Variants in PGPEP1L observed in about 807,000 individuals in gnomAD.
PGPEP1L encodes the protein pyroglutamyl-peptidase I like.
In PGPEP1L, 7 loss-of-function variants were observed where a neutral mutation model predicts 6.0. The observed-to-expected ratio is 1.17, with a 90% CI of 0.66 to 2.19. The LOEUF is 2.19. Ranked by LOEUF, PGPEP1L falls within the 30% of genes most tolerant of loss-of-function variation. The pLI is 0.00. For missense variants in PGPEP1L, 209 were observed against 192.5 expected (o/e 1.09, Z -0.51); for synonymous variants, 103 against 83.9 (o/e 1.23, Z -1.24).
chr15:98,999,788 G>A (rs1555472775), intron 2 of PGPEP1L, among the ~76,000 whole-genome samples: 1 of 152,232 alleles, frequency 6.6e-6, no homozygotes, highest in African/African-American at 2.4e-5. Context: ...CTGATGAATG[G>A]CAAACAAAAT....
rs782264530 is a variant in PGPEP1L at position 99,001,575 on chromosome 15, CAATG to C, written c.-142+3850_-142+3853del. Among the ~76,000 whole-genome samples the C allele has an allele frequency of 5.3e-5, 8 of 152,128 alleles. No homozygotes were observed. The East Asian group carries it at 7.7e-4, about 15-fold the overall frequency. On this transcript the variant is annotated intron_variant, in intron 2 of 4. Coordinates refer to ENST00000535714, the MANE Select transcript of PGPEP1L (RefSeq NM_001167902.2). ...ATGGTATAGCATGTGGATTATATCT[CAATG>C]AAGTAGTTTAAAAACTTTTTATAAT...
Position 99,007,448 on chromosome 15 carries a change from C to T in PGPEP1L, c.-459G>A, listed in dbSNP as rs782762083. On this transcript the variant is annotated 5_prime_UTR_variant, in exon 1 of 5. Coordinates refer to ENST00000535714, the MANE Select transcript of PGPEP1L (RefSeq NM_001167902.2). The stretch of plus-strand genomic sequence containing the variant: ...CCGCGGACCCTGGCGGTGAGTGTTA[C>T]AGTTTTTAAAGGCAGCGTGTCCCAA... 6.6e-6 allele frequency: 1 copy of T among 152,318 alleles called. No individual in the cohort carries two copies. Among genetic ancestry groups the T allele is most frequent in the Non-Finnish European group, 1.5e-5 (1 of 68,128 alleles). The allele number at this position is 152,318 out of a possible 1,614,324, so 9.4% of individuals were successfully genotyped here.
chr15:99,001,281 TAAATG>T (rs2017965280), intron 2 of PGPEP1L: 3 of 256,088 alleles, frequency 1.2e-5, no homozygotes, highest in South Asian at 1.0e-4. Context: ...GAAAACATGC[TAAATG>T]AAAGAAGCCA....
chr15:99,000,065 G>T (rs1479003740), intron 2 of PGPEP1L, among the ~76,000 whole-genome samples: 1 of 152,220 alleles, frequency 6.6e-6, no homozygotes, highest in South Asian at 2.1e-4. Context: ...GCGCGGGCGG[G>T]AACCGGGGCT....
chr15:98,972,872 C>CAAAAAAA (rs58126997), intron 2 of PGPEP1L, among the ~76,000 whole-genome samples: 4 of 45,688 alleles, frequency 8.8e-5, no homozygotes, highest in African/African-American at 1.7e-4. Context: ...GACTCCGTCT[C>CAAAAAAA]AAAAAAAAAA....
chr15:98,968,845 A>G, intron 4 of PGPEP1L, 148 bp from the exon 5 acceptor site: 1 of 786,914 alleles, frequency 1.3e-6, no homozygotes, highest in Non-Finnish European at 2.1e-6. Context: ...CCTCAGAAAG[A>G]ACATGGTGCC....
intron 2 of PGPEP1L, among the ~76,000 whole-genome samples, chr15:98,975,989 A>G (rs2017564035): frequency 6.6e-6 from 1 of 152,210 alleles, no homozygotes; most frequent in Non-Finnish European, 1.5e-5. Context: ...CAAATGTGTG[A>G]TTTCACTTAT....
intron 2 of PGPEP1L, among the ~76,000 whole-genome samples, chr15:98,992,757 C>A (rs568189110): frequency 1.3e-5 from 2 of 152,096 alleles, no homozygotes; most frequent in African/African-American, 4.8e-5. Context: ...ATATATAAAC[C>A]AATGGAACAG....
intron 2 of PGPEP1L, among the ~76,000 whole-genome samples, chr15:98,979,633 CTTTTTTTTTTTTTTTTTTTTT>C (rs568793204): frequency 0.016 from 733 of 46,562 alleles, 21 homozygotes; most frequent in African/African-American, 0.041. Flanking sequence ...GGAGACTATT[CTTTTTTTTTTTTTTTTTTTTT>C]TTTTTTTTTT....
chr15:99,006,656 G>A (rs569165707), intron 1 of PGPEP1L, among the ~76,000 whole-genome samples: 14 of 152,272 alleles, frequency 9.2e-5, no homozygotes, highest in Admixed American at 1.3e-4. Flanking sequence ...TGGCAAGACT[G>A]CATCAATTAT....
At chr15:99,003,203 TA>T (rs11292817) in intron 2 of PGPEP1L, among the ~76,000 whole-genome samples, 41,468 of 134,888 alleles carry the variant, frequency 0.31, 6,789 homozygotes, top group African/African-American at 0.47. Flanking sequence ...ATAGTGAGAT[TA>T]AAAAAAAAAA....
At chr15:99,006,814 CT>C (rs141239801) in intron 1 of PGPEP1L, among the ~76,000 whole-genome samples, 36 of 152,134 alleles carry the variant, frequency 2.4e-4, no homozygotes, top group Non-Finnish European at 5.0e-4. Context: ...TATTCTTAAA[CT>C]TTTTTTTAAA....
chr15:98,977,449 T>C (rs1158926432), intron 2 of PGPEP1L, among the ~76,000 whole-genome samples: 2 of 152,276 alleles, frequency 1.3e-5, no homozygotes, highest in Non-Finnish European at 2.9e-5. Context: ...CATCTCTGGC[T>C]TATTTAGAAG....
intron 2 of PGPEP1L, among the ~76,000 whole-genome samples, chr15:98,981,501 A>AC (rs1283640304): frequency 7.0e-4 from 104 of 149,040 alleles, no homozygotes; most frequent in South Asian, 2.8e-3. Flanking sequence ...AAAAAAAAAA[A>AC]AAAAACAAAA....
intron 2 of PGPEP1L, among the ~76,000 whole-genome samples, chr15:99,004,767 G>C (rs571663664): frequency 6.6e-6 from 1 of 152,042 alleles, no homozygotes; most frequent in Non-Finnish European, 1.5e-5. Flanking sequence ...GGCCCCCAGG[G>C]ACCAGCTGGG....
At chr15:98,982,169 C>G (rs975119133) in intron 2 of PGPEP1L, among the ~76,000 whole-genome samples, 1 of 152,214 alleles carries the variant, frequency 6.6e-6, no homozygotes, top group African/African-American at 2.4e-5. Context: ...GACTGTGAAG[C>G]CACAGCAGAC....
intron 2 of PGPEP1L, among the ~76,000 whole-genome samples, chr15:98,994,224 C>A (rs1158411289): frequency 6.6e-6 from 1 of 152,156 alleles, no homozygotes; most frequent in Non-Finnish European, 1.5e-5. Flanking sequence ...CAAGATCATG[C>A]CACTGCACTC....
chr15:99,007,055 G>T (rs572863739), intron 1 of PGPEP1L, among the ~76,000 whole-genome samples: 1 of 152,156 alleles, frequency 6.6e-6, no homozygotes. Context: ...CACCCCCGCG[G>T]ATTAGACCCC....
chr15:98,969,606 G>C lies in PGPEP1L; in HGVS notation c.28C>G (p.Leu10Val), dbSNP rs1292315334. 6.2e-7 allele frequency: 1 copy of C among 1,613,520 alleles called. No individual in the cohort carries two copies. MDTAAKAII[L>V]EQSGKNQGYR... is the part of the protein sequence containing the mutation. ...CCTTGGTTCTTGCCAGACTGTTCCAGAATGATCGCCTTGGCGGCGGTGTCC... is the reference window on the plus strand; with the variant it reads ...CCTTGGTTCTTGCCAGACTGTTCCACAATGATCGCCTTGGCGGCGGTGTCC... Residue 10 changes from leucine (L) to valine (V), a missense_variant, in exon 4 of 5, where the codon CTG (leucine) becomes GTG (valine). Physicochemically the swap from Leu to Val is conservative, Grantham distance 32. Transcript: ENST00000535714.
Sources: gnomAD v4.1 joint callset for allele counts (sites outside exome capture counted in the v4.1 genomes callset) on GRCh38, gnomAD v4.1.1 for gene constraint, MANE v1.5 for transcripts, NCBI Gene and HGNC (gene_info 2026-07-23, HGNC 2026-07-21) for gene names.